The following PLXDC2 variants were observed in gnomAD, a reference collection of about 807,000 sequenced individuals.
PLXDC2 encodes plexin domain containing 2, also known as plexin domain-containing protein 2.
A neutral mutation model predicts 68.9 loss-of-function variants in PLXDC2; 40 were observed. That is an observed-to-expected ratio of 0.58 (90% CI 0.45 to 0.76). The LOEUF (loss-of-function observed/expected upper bound fraction) is 0.76. PLXDC2 is among the 30% of genes least tolerant of loss of function. PLXDC2 has a pLI of 0.00. For missense variants in PLXDC2, 644 were observed against 661.9 expected, an observed-to-expected ratio of 0.97 and a Z score of 0.30; for synonymous variants, 243 against 234.2, an observed-to-expected ratio of 1.04 and a Z score of -0.34.
intron 9 of PLXDC2, among the ~76,000 whole-genome samples, chr10:20,193,479 T>C (rs768919405): frequency 4.6e-5 from 7 of 152,030 alleles, no homozygotes; most frequent in Middle Eastern, 3.2e-3. Flanking sequence ...GTCAGACTGA[T>C]AGAATAGTGT....
chr10:20,046,711 T>C (rs1251182646), intron 2 of PLXDC2, among the ~76,000 whole-genome samples, 158 bp from the exon 3 acceptor site: 1 of 152,122 alleles, frequency 6.6e-6, no homozygotes, highest in Non-Finnish European at 1.5e-5. Flanking sequence ...TGTGTGCACA[T>C]TTACTTATTT....
rs1359612467 is a variant in PLXDC2, at chr10:19,869,479, G to GA, written c.112+52288_112+52289insA. On this transcript the variant is annotated intron_variant, in intron 1 of 13. Transcript: ENST00000377252. ...AGAGAGAGAGAGAAAGGGGGGGGGG[G>GA]GAGAGGGTGGGAGGGAGGGAGGGAG... Among the ~76,000 whole-genome samples, 85 of 106,410 alleles carry GA rather than the reference G, an allele frequency of 8.0e-4. 4 individuals carry two copies. The highest frequency in any genetic ancestry group is 2.7e-3 in the African/African-American group (80 of 30,046). The allele number at this position is 106,410 out of a possible 152,430, so 69.8% of individuals were successfully genotyped here.
intron 1 of PLXDC2, among the ~76,000 whole-genome samples, chr10:19,939,130 A>G (rs549129134): frequency 2.0e-5 from 3 of 152,352 alleles, no homozygotes; most frequent in Non-Finnish European, 2.9e-5. Flanking sequence ...TGAAATAAAG[A>G]TAAATAAGGG....
chr10:20,069,700 A>G (rs186592028), intron 4 of PLXDC2, among the ~76,000 whole-genome samples: 91 of 150,456 alleles, frequency 6.0e-4, no homozygotes, highest in African/African-American at 1.9e-3. Flanking sequence ...GTATGATGGC[A>G]TGCATCTGTA....
chr10:20,254,247 C>T (rs1055809770), intron 13 of PLXDC2, among the ~76,000 whole-genome samples: 1 of 152,144 alleles, frequency 6.6e-6, no homozygotes, highest in Admixed American at 6.5e-5. Flanking sequence ...TCAACTTTTC[C>T]TGGCAACTAA....
chr10:20,164,361 T>C (rs1221304489), intron 6 of PLXDC2, 107 bp from the exon 7 acceptor site: 2 of 916,170 alleles, frequency 2.2e-6, no homozygotes, highest in Non-Finnish European at 3.4e-6. Flanking sequence ...TCTAGTCTTT[T>C]ATCTCCTTCC....
At chr10:19,979,419 C>G (rs1212224218) in intron 1 of PLXDC2, among the ~76,000 whole-genome samples, 1 of 150,110 alleles carries the variant, frequency 6.7e-6, no homozygotes, top group Non-Finnish European at 1.5e-5. Context: ...TGCTTTGTGG[C>G]CCAAGCTGGA....
intron 1 of PLXDC2, among the ~76,000 whole-genome samples, chr10:19,868,952 C>A (rs1204714679): frequency 6.6e-6 from 1 of 151,702 alleles, no homozygotes; most frequent in Non-Finnish European, 1.5e-5. Context: ...TTGATTATAC[C>A]CTCGGTGATA....
chr10:19,823,017 G>A (rs1002413844), intron 1 of PLXDC2, among the ~76,000 whole-genome samples: 14 of 151,648 alleles, frequency 9.2e-5, no homozygotes, highest in African/African-American at 2.2e-4. Context: ...CCAGGTTCAC[G>A]CCATTCTCCT....
At chr10:20,159,755 C>T (rs1194734548) in intron 6 of PLXDC2, among the ~76,000 whole-genome samples, 1 of 152,172 alleles carries the variant, frequency 6.6e-6, no homozygotes, top group Admixed American at 6.6e-5. Flanking sequence ...GTAGAGACAA[C>T]CTTTTAACTC....
In PLXDC2 at chr10:20,206,518, C is replaced by T. The variant is rs112514194; in HGVS notation, c.1062-5151C>T. Among the ~76,000 whole-genome samples, 516 of 152,098 alleles carry T rather than the reference C, an allele frequency of 3.4e-3. 2 individuals are homozygous for T. Among genetic ancestry groups the T allele is most frequent in the African/African-American group, 0.011 (448 of 41,500 alleles). ...AAGGTAGAGTCATGAAAGAGCACAG[C>T]ACCTTCGGGGAAGGGAAAAGAATTT... On this transcript the variant is annotated intron_variant, in intron 9 of 13. Transcript: ENST00000377252.
At chr10:20,174,938 A>G (rs1384230364) in intron 7 of PLXDC2, among the ~76,000 whole-genome samples, 1 of 152,090 alleles carries the variant, frequency 6.6e-6, no homozygotes, top group Admixed American at 6.6e-5. Flanking sequence ...CATCTGGGCC[A>G]CCACACTCCC....
At chr10:20,020,030 T>G (rs1338095489) in intron 2 of PLXDC2, among the ~76,000 whole-genome samples, 1 of 148,942 alleles carries the variant, frequency 6.7e-6, no homozygotes, top group Non-Finnish European at 1.5e-5. Flanking sequence ...TTTTTTATTT[T>G]TTGTTTTTTC....
intron 4 of PLXDC2, among the ~76,000 whole-genome samples, chr10:20,119,935 G>A (rs926456624): frequency 2.6e-5 from 4 of 152,178 alleles, no homozygotes; most frequent in African/African-American, 4.8e-5. Flanking sequence ...GAATTGGGAC[G>A]ACTCAGGACA....
At chr10:20,025,762 G>C (rs1041489626) in intron 2 of PLXDC2, among the ~76,000 whole-genome samples, 1 of 151,974 alleles carries the variant, frequency 6.6e-6, no homozygotes, top group Non-Finnish European at 1.5e-5. Flanking sequence ...TTATTCAACA[G>C]TAAGTTCCTT....
intron 2 of PLXDC2, among the ~76,000 whole-genome samples, chr10:20,035,183 G>A (rs11596259): frequency 0.028 from 4,301 of 152,156 alleles, 83 homozygotes; most frequent in Non-Finnish European, 0.044. Context: ...ATGTGCAGAG[G>A]GGTAATGTAG....
At chr10:20,267,208 A>C (rs1588552625) in intron 13 of PLXDC2, among the ~76,000 whole-genome samples, 1 of 152,214 alleles carries the variant, frequency 6.6e-6, no homozygotes, top group African/African-American at 2.4e-5. Flanking sequence ...GTGATTGATA[A>C]ATAAATATTC....
chr10:20,145,523 C>T (rs771151632), intron 5 of PLXDC2, among the ~76,000 whole-genome samples: 3 of 152,024 alleles, frequency 2.0e-5, no homozygotes, highest in Non-Finnish European at 2.9e-5. Flanking sequence ...TAATATAAAA[C>T]TTAACATGTG....
intron 12 of PLXDC2, among the ~76,000 whole-genome samples, chr10:20,222,767 T>C (rs1835229599): frequency 6.6e-6 from 1 of 152,008 alleles, no homozygotes; most frequent in Admixed American, 6.5e-5. Flanking sequence ...GCAGGAGGAT[T>C]GTATGAGCCC....
Sources: gnomAD v4.1 joint callset for allele counts (sites outside exome capture counted in the v4.1 genomes callset) on GRCh38, gnomAD v4.1.1 for gene constraint, MANE v1.5 for transcripts, NCBI Gene and HGNC (gene_info 2026-07-23, HGNC 2026-07-21) for gene names.